The following ALPL variants were observed in gnomAD, a reference collection of about 807,000 sequenced individuals.
ALPL encodes the protein alkaline phosphatase, tissue-nonspecific isozyme.
In ALPL, 42 loss-of-function variants were observed where a neutral mutation model predicts 51.3. The ratio of observed to expected loss-of-function variants is 0.82; its 90% CI spans 0.64 to 1.06. ALPL has a LOEUF of 1.06. Ranked by LOEUF, ALPL falls within the 50% of genes least tolerant of loss-of-function variation. The probability of loss-of-function intolerance (pLI) is 0.00; values close to 1 mark genes in which losing one functional copy is unlikely to be tolerated. For synonymous variants in ALPL, 279 were observed against 296.4 expected (o/e 0.94, Z 0.60); for missense variants, 589 against 709.4 (o/e 0.83, Z 1.93).
At position 21,565,823 on chromosome 1, in the gene ALPL, T is replaced by G. The variant is rs1280114238; in HGVS notation, c.648+1607T>G. The stretch of plus-strand genomic sequence containing the variant: ...GTGTCCACCCTGAAAATAAATACTG[T>G]TGCTTAAAAAAAAAAAAGAAAGAAG... On this transcript the variant is annotated intron_variant, in intron 6 of 11. Transcript: ENST00000374840. Among the ~76,000 whole-genome samples the G allele has an allele frequency of 1.3e-5, 2 of 149,392 alleles. 1 individual carries two copies. Among genetic ancestry groups the G allele is most frequent in the African/African-American group, 5.0e-5 (2 of 40,244 alleles).
intron 8 of ALPL, among the ~76,000 whole-genome samples, chr1:21,571,907 C>T (rs1276790292): frequency 6.6e-6 from 1 of 151,044 alleles, no homozygotes; most frequent in African/African-American, 2.4e-5. Flanking sequence ...TAGGAGGATC[C>T]ACCTGAGCCC....
chr1:21,511,960 G>A (rs1412216822), intron 1 of ALPL, among the ~76,000 whole-genome samples: 1 of 152,202 alleles, frequency 6.6e-6, no homozygotes, highest in East Asian at 1.9e-4. Context: ...ACCCATCTCT[G>A]GGCATATGAG....
chr1:21,518,824 G>T (rs1479666733), intron 1 of ALPL, among the ~76,000 whole-genome samples: 1 of 152,098 alleles, frequency 6.6e-6, no homozygotes, highest in East Asian at 1.9e-4. Flanking sequence ...CCAGACTTGG[G>T]CTAGAACTTG....
At chr1:21,537,431 A>G (rs116820397) in intron 1 of ALPL, among the ~76,000 whole-genome samples, 1 of 152,308 alleles carries the variant, frequency 6.6e-6, no homozygotes, top group African/African-American at 2.4e-5. Context: ...CACTCTGTCT[A>G]GATACAAGAG....
chr1:21,536,959 C>T (rs868554600), intron 1 of ALPL, among the ~76,000 whole-genome samples: 7 of 136,404 alleles, frequency 5.1e-5, no homozygotes, highest in Admixed American at 3.4e-4. Context: ...TGCAGTGGCG[C>T]GATCTTGGCT....
Position 21,568,089 on chromosome 1 carries a change from T to A in ALPL, c.649-15T>A. The A allele has an allele frequency of 6.2e-7, 1 of 1,614,012 alleles. No homozygotes were observed. Among genetic ancestry groups the A allele is most frequent in the South Asian group, 1.1e-5 (1 of 91,070 alleles). On this transcript the variant is annotated splice_polypyrimidine_tract_variant and intron_variant, in intron 6 of 11. Transcript: ENST00000374840. ...CTTGGAACCCTGCAGAAGTGATGGC[T>A]CCTGTCTCTTTTAGGTGATCATGGG...
chr1:21,516,287 G>A (rs558496215), intron 1 of ALPL, among the ~76,000 whole-genome samples: 7 of 152,198 alleles, frequency 4.6e-5, no homozygotes, highest in Admixed American at 1.3e-4. Context: ...CCCGTCTGCC[G>A]CCATTCTGGT....
At chr1:21,576,066 A>G (rs978647049) in intron 10 of ALPL, 142 bp downstream of exon 10, 1 of 1,059,482 alleles carries the variant, frequency 9.4e-7, no homozygotes, top group Admixed American at 1.9e-5. Flanking sequence ...GTTACTGGGG[A>G]TGGGGAGAAA....
In ALPL at chr1:21,564,146, C is replaced by A; in HGVS notation, c.578C>A (p.Pro193His). ...GACTGGTACTCAGACAACGAGATGC[C>A]CCCTGAGGCCTTGAGCCAGGGCTGT... Reference protein sequence around the residue: ...DRDWYSDNEMPPEALSQGCKD... With the variant: ...DRDWYSDNEMHPEALSQGCKD... Residue 193 changes from proline (P) to histidine (H), a missense_variant, in exon 6 of 12, where the codon CCC becomes CAC. Transcript: ENST00000374840. The surrounding 1 kb of genome is among the most constrained non-coding windows in gnomAD (Gnocchi z 5.8). 1 of 1,614,088 alleles carries A rather than the reference C, an allele frequency of 6.2e-7. No homozygotes were observed. The highest frequency in any genetic ancestry group is 8.5e-7 in the Non-Finnish European group (1 of 1,180,016).
intron 2 of ALPL, among the ~76,000 whole-genome samples, chr1:21,559,911 G>A (rs1215074113): frequency 6.6e-6 from 1 of 152,226 alleles, no homozygotes; most frequent in East Asian, 1.9e-4. Flanking sequence ...AGAGAAAGAA[G>A]TGTTCTTAGT....
intron 2 of ALPL, among the ~76,000 whole-genome samples, chr1:21,556,540 G>A (rs1334858479): frequency 1.3e-5 from 2 of 151,956 alleles, no homozygotes; most frequent in Non-Finnish European, 2.9e-5. Context: ...TACTTGGGAG[G>A]CTAAGGTGGG....
intron 2 of ALPL, among the ~76,000 whole-genome samples, chr1:21,559,387 G>A (rs1385381061): frequency 2.0e-5 from 3 of 152,208 alleles, no homozygotes; most frequent in African/African-American, 2.4e-5. Flanking sequence ...TGTGGGTCAG[G>A]TGTGTCACTT....
At chr1:21,534,780 T>G (rs1487004205) in intron 1 of ALPL, among the ~76,000 whole-genome samples, 1 of 152,212 alleles carries the variant, frequency 6.6e-6, no homozygotes, top group Non-Finnish European at 1.5e-5. Context: ...TTGACATGCA[T>G]GGACTTGAGA....
At chr1:21,571,599 G>A (rs1229392474) in intron 8 of ALPL, among the ~76,000 whole-genome samples, 3 of 152,092 alleles carry the variant, frequency 2.0e-5, no homozygotes, top group Non-Finnish European at 4.4e-5. Flanking sequence ...ATGAACCCGG[G>A]AGGCGGAGGT....
chr1:21,556,511 G>C (rs1273905084), intron 2 of ALPL, among the ~76,000 whole-genome samples: 1 of 152,104 alleles, frequency 6.6e-6, no homozygotes, highest in Non-Finnish European at 1.5e-5. Context: ...GCATAGTGCT[G>C]CATGCTTGTA....
At chr1:21,533,962 G>GAAT (rs1214701352) in intron 1 of ALPL, among the ~76,000 whole-genome samples, 1 of 149,036 alleles carries the variant, frequency 6.7e-6, no homozygotes, top group Non-Finnish European at 1.5e-5. Flanking sequence ...AGAAGAAGAA[G>GAAT]ATTAGACTGG....
At chr1:21,524,970 G>A (rs1242544810) in intron 1 of ALPL, among the ~76,000 whole-genome samples, 1 of 152,340 alleles carries the variant, frequency 6.6e-6, no homozygotes, top group Admixed American at 6.5e-5. Flanking sequence ...GTAAGTGGGG[G>A]ATTGGTCCAG....
intron 8 of ALPL, among the ~76,000 whole-genome samples, chr1:21,572,347 C>CA (rs1241668987): frequency 6.6e-6 from 1 of 152,108 alleles, no homozygotes; most frequent in Non-Finnish European, 1.5e-5. Flanking sequence ...CAGGAGGCCT[C>CA]AGTTCCTTGG....
chr1:21,560,554 G>T, intron 2 of ALPL, 72 bp from the exon 3 acceptor site: 3 of 1,585,302 alleles, frequency 1.9e-6, no homozygotes, highest in Non-Finnish European at 2.6e-6. Context: ...AATCAGAAGT[G>T]GGGGGATCTG....
Sources: gnomAD v4.1 joint callset for allele counts (sites outside exome capture counted in the v4.1 genomes callset) on GRCh38, gnomAD v4.1.1 for gene constraint, Gnocchi (gnomAD v3.1) non-coding constraint, MANE v1.5 for transcripts, NCBI Gene and HGNC (gene_info 2026-07-23, HGNC 2026-07-21) for gene names.